ATP6V0A1: variants seen among roughly 807,000 people sequenced by gnomAD.
The protein encoded by ATP6V0A1 is ATPase H+ transporting V0 subunit a1.
ATP6V0A1 carries 43 observed loss-of-function variants against 105.4 expected under a neutral mutation model. The observed-to-expected ratio is 0.41, with a 90% confidence interval of 0.32 to 0.53. ATP6V0A1 has a LOEUF of 0.53. Among genes scored for constraint, ATP6V0A1 ranks in the 20% least tolerant of loss-of-function variants. ATP6V0A1 has a pLI of 0.30. For missense variants in ATP6V0A1, 676 were observed against 1,051.1 expected (o/e 0.64, Z 4.93); for synonymous variants, 362 against 372.8 (o/e 0.97, Z 0.33).
At chr17:42,481,982 C>T (rs1179768671) in intron 8 of ATP6V0A1, among the ~76,000 whole-genome samples, 1 of 152,188 alleles carries the variant, frequency 6.6e-6, no homozygotes, top group East Asian at 1.9e-4. Context: ...GCTGGGACTG[C>T]AGATGCGTGC....
intron 19 of ATP6V0A1, among the ~76,000 whole-genome samples, chr17:42,509,440 C>A (rs759372666): frequency 6.6e-6 from 1 of 152,208 alleles, no homozygotes. Flanking sequence ...CTTCCTGACT[C>A]TCGGTCCTCT....
intron 5 of ATP6V0A1, among the ~76,000 whole-genome samples, chr17:42,476,018 G>A (rs1328370335): frequency 6.6e-6 from 1 of 152,176 alleles, no homozygotes; most frequent in African/African-American, 2.4e-5. Flanking sequence ...AGTCTTGTGA[G>A]TAGTCAGGCT....
intron 19 of ATP6V0A1, among the ~76,000 whole-genome samples, chr17:42,512,891 G>C (rs2146285386): frequency 6.6e-6 from 1 of 152,364 alleles, no homozygotes; most frequent in African/African-American, 2.4e-5. Flanking sequence ...ATTCTGGTCT[G>C]GGCTCTGCGG....
At chr17:42,491,799 A>G (rs1020357478) in intron 11 of ATP6V0A1, among the ~76,000 whole-genome samples, 1 of 150,006 alleles carries the variant, frequency 6.7e-6, no homozygotes, top group Non-Finnish European at 1.5e-5. Context: ...TTGTATTTTT[A>G]GTAGAGACAG....
chr17:42,491,559 C>T (rs1322981146), intron 11 of ATP6V0A1, among the ~76,000 whole-genome samples: 1 of 152,236 alleles, frequency 6.6e-6, no homozygotes, highest in African/African-American at 2.4e-5. Context: ...TCTCAGCTCA[C>T]CACATCCTCT....
At chr17:42,467,305 C>T (rs1356385179) in intron 3 of ATP6V0A1, among the ~76,000 whole-genome samples, 1 of 152,162 alleles carries the variant, frequency 6.6e-6, no homozygotes, top group African/African-American at 2.4e-5. Flanking sequence ...GGCTTAATGA[C>T]TTGCCCTAGA....
Position 42,468,144 on chromosome 17 carries a change from T to A in ATP6V0A1, c.294+37T>A, listed in dbSNP as rs200365145. ...TGGGAAAACCAGAAAAGTTTCTTTC[T>A]ACTTGAACGCAGAAATTACTTTCCT... On this transcript the variant is annotated intron_variant, in intron 4 of 21. Coordinates refer to ENST00000343619, the MANE Select transcript of ATP6V0A1 (RefSeq NM_001130021.3). 1.7e-5 allele frequency: 24 copies of A among 1,410,418 alleles called. No homozygotes were observed. The Admixed American group carries it at 4.0e-4, about 23-fold the overall frequency. The allele number at this position is 1,410,418 out of a possible 1,614,324, so 87.4% of individuals were successfully genotyped here. A position where few individuals can be genotyped will look rare whatever the true frequency, so the allele number is the denominator to read the frequency against.
rs901840918 is a variant in ATP6V0A1 at position 42,515,337 on chromosome 17, C to T, written c.2420+877C>T. 8.6e-5 allele frequency among the ~76,000 whole-genome samples: 13 copies of T among 151,362 alleles called. No individual in the cohort carries two copies. The East Asian group carries it at 1.4e-3, about 16-fold the overall frequency. On this transcript the variant is annotated intron_variant, in intron 21 of 21. Transcript: ENST00000343619. ...CAAAAATTAGCCAGGTGTGGTGGCA[C>T]GTGCCTGTAATCCCAGCTACTCAGG... is the stretch of plus-strand genomic sequence containing the variant.
At chr17:42,506,668 G>C (rs895626339) in intron 17 of ATP6V0A1, among the ~76,000 whole-genome samples, 2 of 152,204 alleles carry the variant, frequency 1.3e-5, no homozygotes, top group African/African-American at 4.8e-5. Context: ...CACTAATTGG[G>C]ATCTGTGAGA....
chr17:42,492,037 A>G (rs2090689915), intron 11 of ATP6V0A1, among the ~76,000 whole-genome samples: 1 of 152,116 alleles, frequency 6.6e-6, no homozygotes, highest in South Asian at 2.1e-4. Flanking sequence ...ATAAATAAAC[A>G]TGTTGACACC....
intron 14 of ATP6V0A1, among the ~76,000 whole-genome samples, chr17:42,496,791 G>A (rs1281747288): frequency 3.3e-5 from 5 of 151,558 alleles, no homozygotes; most frequent in African/African-American, 1.2e-4. Flanking sequence ...AGCCCAGATC[G>A]TGCCACTGCA....
chr17:42,516,244 T>C (rs1599169594), intron 21 of ATP6V0A1, among the ~76,000 whole-genome samples: 1 of 152,322 alleles, frequency 6.6e-6, no homozygotes, highest in Middle Eastern at 3.4e-3. Context: ...ATTATTCTCA[T>C]GGCTGGGTGA....
rs1417402427 is a variant in ATP6V0A1, at chr17:42,495,207, TA to T, written c.1469+23del. 3 of 1,612,144 alleles carry T rather than the reference TA, an allele frequency of 1.9e-6. No individual in the cohort carries two copies. The African/African-American group carries it at 4.0e-5, about 22-fold the overall frequency. On this transcript the variant is annotated intron_variant, in intron 13 of 21. Transcript: ENST00000343619. ...ATTGGACGTAAGTTGCAGAAGAAGC[TA>T]AAATTCAAAGCTTATTCCTTTCATG...
At chr17:42,512,096 T>C (rs891307152) in intron 19 of ATP6V0A1, among the ~76,000 whole-genome samples, 1 of 152,128 alleles carries the variant, frequency 6.6e-6, no homozygotes, top group Non-Finnish European at 1.5e-5. Context: ...GCAGAAGATG[T>C]GGACAGGGAC....
intron 21 of ATP6V0A1, among the ~76,000 whole-genome samples, chr17:42,515,780 C>T (rs2092598245): frequency 2.0e-5 from 3 of 152,170 alleles, no homozygotes; most frequent in Admixed American, 2.0e-4. Flanking sequence ...AAGAGTGAAA[C>T]TCGGTCTCAA....
At chr17:42,505,854 C>G (rs1424543917) in intron 17 of ATP6V0A1, among the ~76,000 whole-genome samples, 1 of 150,208 alleles carries the variant, frequency 6.7e-6, no homozygotes, top group Non-Finnish European at 1.5e-5. Context: ...GTGGTATGAT[C>G]TCAGCTCACT....
At chr17:42,491,698 A>G (rs1353074340) in intron 11 of ATP6V0A1, among the ~76,000 whole-genome samples, 1 of 151,858 alleles carries the variant, frequency 6.6e-6, no homozygotes, top group East Asian at 1.9e-4. Flanking sequence ...GCCCAGGCTG[A>G]TCTCTAACTC....
chr17:42,497,972 G>A (rs1056379142), intron 14 of ATP6V0A1, among the ~76,000 whole-genome samples: 3 of 151,494 alleles, frequency 2.0e-5, no homozygotes, highest in East Asian at 3.9e-4. Flanking sequence ...CTGGCCGGGC[G>A]CAGTGACTCA....
chr17:42,480,808 T>G, intron 8 of ATP6V0A1, 59 bp downstream of exon 8: 9 of 1,491,706 alleles, frequency 6.0e-6, no homozygotes, highest in Non-Finnish European at 7.4e-6. Context: ...TGTTGAGTCT[T>G]AAAGTTCACA....
Sources: allele counts gnomAD v4.1 joint callset (sites outside exome capture counted in the v4.1 genomes callset), GRCh38; gene constraint gnomAD v4.1.1; transcripts MANE v1.5; gene names NCBI Gene and HGNC (gene_info 2026-07-23, HGNC 2026-07-21).